Variants in RBFOX1 observed in about 807,000 individuals in gnomAD.
RBFOX1 encodes the protein RNA binding protein fox-1 homolog 1.
A neutral mutation model predicts 57.7 loss-of-function variants in RBFOX1; 8 were observed. The ratio of observed to expected loss-of-function variants is 0.14; its 90% CI spans 0.08 to 0.25. The LOEUF is 0.25. RBFOX1 is among the 10% of genes least tolerant of loss of function. The probability of loss-of-function intolerance (pLI) is 1.00; values close to 1 mark genes in which losing one functional copy is unlikely to be tolerated. For missense variants in RBFOX1, 611 were observed against 548.5 expected (o/e 1.11, Z -1.14); for synonymous variants, 326 against 222.4 (o/e 1.47, Z -4.15).
At chr16:6,946,532 C>G (rs951845133) in intron 3 of RBFOX1, among the ~76,000 whole-genome samples, 10 of 152,150 alleles carry the variant, frequency 6.6e-5, no homozygotes, top group Non-Finnish European at 1.3e-4. Context: ...ACTGTGTTTT[C>G]TAAGAACCTT....
intron 3 of RBFOX1, among the ~76,000 whole-genome samples, chr16:6,730,082 G>C (rs145209855): frequency 0.018 from 2,706 of 152,232 alleles, 32 homozygotes; most frequent in Non-Finnish European, 0.028. Context: ...CAGGCTGCCT[G>C]TTAGAAAGAC....
At position 7,669,737 on chromosome 16, in the gene RBFOX1, G is replaced by C. The variant is rs1406547662; in HGVS notation, c.930+4769G>C. ...TTCACTGATGTTTAAACTCAGGAAT[G>C]AGATGTGTCAGTAGCTTTGGGAACA... On this transcript the variant is annotated intron_variant, in intron 13 of 15. Coordinates refer to ENST00000550418, the MANE Select transcript of RBFOX1 (RefSeq NM_018723.4). 2.8e-4 allele frequency among the ~76,000 whole-genome samples: 42 copies of C among 152,230 alleles called. 3 individuals are homozygous for C. Among genetic ancestry groups the C allele is most frequent in the Admixed American group, 2.7e-3 (42 of 15,284 alleles).
At chr16:7,322,754 A>G (rs927864469) in intron 4 of RBFOX1, among the ~76,000 whole-genome samples, 3 of 152,214 alleles carry the variant, frequency 2.0e-5, no homozygotes, top group African/African-American at 4.8e-5. Flanking sequence ...CCAAGGAGAA[A>G]TCAGCCCTTG....
intron 3 of RBFOX1, among the ~76,000 whole-genome samples, chr16:6,931,337 C>G (rs11077113): frequency 9.1e-5 from 10 of 110,206 alleles, no homozygotes; most frequent in Admixed American, 5.4e-4. Context: ...ATCTATCTAT[C>G]TCTACACACA....
chr16:6,070,832 A>T (rs74864765), intron 1 of RBFOX1, among the ~76,000 whole-genome samples: 2,433 of 149,898 alleles, frequency 0.016, 68 homozygotes, highest in South Asian at 0.11. Flanking sequence ...CCCCACACAC[A>T]CATTTGCACT....
At chr16:7,125,864 C>G (rs1001908315) in intron 4 of RBFOX1, among the ~76,000 whole-genome samples, 26 of 152,088 alleles carry the variant, frequency 1.7e-4, no homozygotes. Context: ...GGGTGGATTA[C>G]CTGAGGTCAG....
chr16:7,296,695 C>G (rs2141836301), intron 4 of RBFOX1, among the ~76,000 whole-genome samples: 1 of 152,248 alleles, frequency 6.6e-6, no homozygotes, highest in South Asian at 2.1e-4. Flanking sequence ...CTAGCCTGTC[C>G]CTGGCCATGG....
intron 3 of RBFOX1, among the ~76,000 whole-genome samples, chr16:6,853,306 T>G (rs2094167209): frequency 6.6e-6 from 1 of 152,180 alleles, no homozygotes; most frequent in Non-Finnish European, 1.5e-5. Flanking sequence ...TGATATTGTT[T>G]CTATGAGGAT....
At chr16:5,871,123 C>T (rs762679064) in intron 4 of RBFOX1, among the ~76,000 whole-genome samples, 1 of 152,232 alleles carries the variant, frequency 6.6e-6, no homozygotes, top group Non-Finnish European at 1.5e-5. Context: ...TGCCACCCCT[C>T]CCTGCACCAC....
chr16:5,268,377 C>A (rs1419977528), intron 1 of RBFOX1, among the ~76,000 whole-genome samples: 1 of 152,174 alleles, frequency 6.6e-6, no homozygotes, highest in Non-Finnish European at 1.5e-5. Flanking sequence ...TGGAAATTTA[C>A]TTAGAGTCAA....
chr16:5,332,572 T>A (rs1198536639), intron 1 of RBFOX1, among the ~76,000 whole-genome samples: 1 of 151,946 alleles, frequency 6.6e-6, no homozygotes, highest in Non-Finnish European at 1.5e-5. Flanking sequence ...CCAAGGGGAC[T>A]TTTAAAAGTC....
intron 2 of RBFOX1, among the ~76,000 whole-genome samples, chr16:5,477,558 A>G (rs1478635699): frequency 6.6e-6 from 1 of 152,126 alleles, no homozygotes; most frequent in Non-Finnish European, 1.5e-5. Flanking sequence ...AATCTACAAG[A>G]AGCTGAGTTG....
chr16:5,972,723 G>A (rs1055336780), intron 4 of RBFOX1, among the ~76,000 whole-genome samples: 2 of 152,144 alleles, frequency 1.3e-5, no homozygotes, highest in African/African-American at 4.8e-5. Flanking sequence ...TGGGGCTCTG[G>A]CAGTCTCCCC....
At chr16:6,309,241 C>T (rs538545582) in intron 1 of RBFOX1, among the ~76,000 whole-genome samples, 28 of 152,182 alleles carry the variant, frequency 1.8e-4, no homozygotes, top group African/African-American at 6.3e-4. Context: ...CTAAAAAGAG[C>T]CTCATTGCCT....
intron 3 of RBFOX1, among the ~76,000 whole-genome samples, chr16:6,956,243 G>T (rs989479206): frequency 6.6e-6 from 1 of 152,138 alleles, no homozygotes; most frequent in African/African-American, 2.4e-5. Context: ...GAAGGACTTT[G>T]CTTTGAAGAG....
intron 1 of RBFOX1, among the ~76,000 whole-genome samples, chr16:6,024,078 C>T (rs968912822): frequency 6.6e-6 from 1 of 152,096 alleles, no homozygotes; most frequent in Non-Finnish European, 1.5e-5. Context: ...AATCTGTAGT[C>T]ATTGTGAGCA....
intron 2 of RBFOX1, among the ~76,000 whole-genome samples, chr16:5,491,174 C>CT (rs2042815368): frequency 6.6e-6 from 1 of 152,030 alleles, no homozygotes; most frequent in African/African-American, 2.4e-5. Flanking sequence ...GTAATAAACA[C>CT]ACAAAAAAGC....
chr16:6,054,568 T>G (rs1051015124), intron 1 of RBFOX1, among the ~76,000 whole-genome samples: 1 of 152,312 alleles, frequency 6.6e-6, no homozygotes, highest in African/African-American at 2.4e-5. Flanking sequence ...GTTGACACCC[T>G]GACCATGATT....
chr16:7,706,074 G>A (rs747559040), intron 14 of RBFOX1, among the ~76,000 whole-genome samples: 25 of 152,140 alleles, frequency 1.6e-4, no homozygotes, highest in Non-Finnish European at 2.8e-4. Context: ...AGCCAGCTCT[G>A]AGGACATCAG....
Sources: gnomAD v4.1 joint callset for allele counts (sites outside exome capture counted in the v4.1 genomes callset) on GRCh38, gnomAD v4.1.1 for gene constraint, MANE v1.5 for transcripts, NCBI Gene and HGNC (gene_info 2026-07-23, HGNC 2026-07-21) for gene names.